The following PRKG1 variants were observed in gnomAD, a reference collection of about 807,000 sequenced individuals.
The protein encoded by PRKG1 is cGMP-dependent protein kinase 1.
PRKG1 carries 35 observed loss-of-function variants against 88.1 expected under a neutral mutation model. The observed-to-expected ratio is 0.40, with a 90% CI of 0.30 to 0.53. PRKG1 has a LOEUF of 0.53. Ranked by LOEUF, PRKG1 falls within the 20% of genes least tolerant of loss-of-function variation. The probability of loss-of-function intolerance (pLI) is 0.59; values close to 1 mark genes in which losing one functional copy is unlikely to be tolerated. For synonymous variants in PRKG1, 303 were observed against 292.5 expected (o/e 1.04, Z -0.37); for missense variants, 540 against 839.8 (o/e 0.64, Z 4.41).
At chr10:51,419,973 G>A (rs1838362996) in intron 2 of PRKG1, among the ~76,000 whole-genome samples, 1 of 152,074 alleles carries the variant, frequency 6.6e-6, no homozygotes, top group African/African-American at 2.4e-5. Context: ...GAACAAAACT[G>A]TTACAAAACA....
At chr10:51,769,297 C>G (rs1052708432) in intron 3 of PRKG1, among the ~76,000 whole-genome samples, 2 of 152,116 alleles carry the variant, frequency 1.3e-5, no homozygotes, top group African/African-American at 4.8e-5. Flanking sequence ...ATGGCAGAAT[C>G]AATTATCTTT....
chr10:51,865,360 A>G (rs371544901), intron 4 of PRKG1, among the ~76,000 whole-genome samples: 1 of 152,210 alleles, frequency 6.6e-6, no homozygotes, highest in African/African-American at 2.4e-5. Flanking sequence ...CATAGGTATA[A>G]TTTACAACAA....
At chr10:51,176,521 G>T (rs1055213021) in intron 2 of PRKG1, among the ~76,000 whole-genome samples, 1 of 152,146 alleles carries the variant, frequency 6.6e-6, no homozygotes, top group Non-Finnish European at 1.5e-5. Context: ...TGTGGAGCTG[G>T]TGTGATGATT....
intron 2 of PRKG1, among the ~76,000 whole-genome samples, chr10:51,391,454 T>C (rs1273955282): frequency 6.6e-6 from 1 of 152,260 alleles, no homozygotes; most frequent in Non-Finnish European, 1.5e-5. Flanking sequence ...GCACCTGTGC[T>C]AGTCAATGTA....
At chr10:52,050,216 G>C (rs1304526738) in intron 5 of PRKG1, among the ~76,000 whole-genome samples, 1 of 152,020 alleles carries the variant, frequency 6.6e-6, no homozygotes, top group African/African-American at 2.4e-5. Flanking sequence ...AATCTCAGAA[G>C]GCTGGCAGGG....
At chr10:51,218,221 G>A (rs1311523072) in intron 2 of PRKG1, among the ~76,000 whole-genome samples, 9 of 152,150 alleles carry the variant, frequency 5.9e-5, no homozygotes, top group East Asian at 5.8e-4. Flanking sequence ...TGAGCAGAAA[G>A]ATGCAATATA....
At chr10:51,416,723 G>T (rs1384057812) in intron 2 of PRKG1, among the ~76,000 whole-genome samples, 1 of 152,168 alleles carries the variant, frequency 6.6e-6, no homozygotes, top group African/African-American at 2.4e-5. Context: ...GGGCTAAAGA[G>T]GGTCACGTAC....
intron 4 of PRKG1, among the ~76,000 whole-genome samples, chr10:51,882,911 T>G (rs1173757047): frequency 6.6e-6 from 1 of 152,236 alleles, no homozygotes; most frequent in Non-Finnish European, 1.5e-5. Flanking sequence ...TGATGTTTAC[T>G]TTCATGTGTC....
chr10:51,510,064 T>A (rs529873489), intron 3 of PRKG1, among the ~76,000 whole-genome samples: 1 of 152,314 alleles, frequency 6.6e-6, no homozygotes, highest in African/African-American at 2.4e-5. Context: ...GAGCATTTAT[T>A]CTTTGTGTTC....
chr10:51,299,893 G>T (rs1045914812), intron 2 of PRKG1, among the ~76,000 whole-genome samples: 2 of 152,158 alleles, frequency 1.3e-5, no homozygotes, highest in African/African-American at 4.8e-5. Context: ...AAGAAAATTA[G>T]AATGCCATGA....
intron 1 of PRKG1, among the ~76,000 whole-genome samples, chr10:51,026,551 A>T (rs1048172752): frequency 3.9e-5 from 6 of 152,122 alleles, no homozygotes; most frequent in Non-Finnish European, 7.4e-5. Flanking sequence ...TTCTTTATTC[A>T]TGGGAATAAG....
At chr10:52,240,956 A>G (rs1463140244) in intron 9 of PRKG1, among the ~76,000 whole-genome samples, 2 of 152,174 alleles carry the variant, frequency 1.3e-5, no homozygotes, top group Non-Finnish European at 2.9e-5. Flanking sequence ...TAACTGCTGT[A>G]TAGACTTACT....
intron 8 of PRKG1, among the ~76,000 whole-genome samples, chr10:52,136,256 CA>C (rs1265355539): frequency 1.3e-5 from 2 of 151,938 alleles, no homozygotes; most frequent in African/African-American, 4.8e-5. Flanking sequence ...AATGGGACCC[CA>C]GGGGAGAAAA....
At chr10:52,258,661 A>C (rs1841362802) in intron 10 of PRKG1, among the ~76,000 whole-genome samples, 1 of 152,082 alleles carries the variant, frequency 6.6e-6, no homozygotes, top group African/African-American at 2.4e-5. Context: ...AAAACATCCA[A>C]AATATTTGTG....
intron 5 of PRKG1, among the ~76,000 whole-genome samples, chr10:52,013,328 A>C (rs1407210693): frequency 6.6e-6 from 1 of 151,888 alleles, no homozygotes; most frequent in Non-Finnish European, 1.5e-5. Context: ...CTGCGGCAGG[A>C]GAATGGTGTG....
In PRKG1 at chr10:51,074,535, G is replaced by A; in HGVS notation, c.-56G>A. The A allele has an allele frequency of 1.3e-6, 2 of 1,564,870 alleles. No individual in the cohort carries two copies. ...GGGGAAAGTTGATCGGAGAGGGGAG[G>A]AAGCCTCAAGACGCGGAGCAGCGGC... On this transcript the variant is annotated 5_prime_UTR_variant, in exon 1 of 18. Transcript: ENST00000373980.
intron 3 of PRKG1, among the ~76,000 whole-genome samples, chr10:51,630,351 C>A (rs186884999): frequency 1.2e-4 from 19 of 152,262 alleles, no homozygotes; most frequent in Admixed American, 4.6e-4. Flanking sequence ...TCTCAGCTAA[C>A]CAGCATTTTA....
At chr10:51,665,790 A>G (rs10998789) in intron 3 of PRKG1, among the ~76,000 whole-genome samples, 72,899 of 151,804 alleles carry the variant, frequency 0.48, 19,123 homozygotes, top group East Asian at 0.72. Flanking sequence ...TCTCAAGTCT[A>G]AGGAGAATAT....
intron 4 of PRKG1, among the ~76,000 whole-genome samples, chr10:51,905,980 A>C (rs1311316326): frequency 1.3e-5 from 2 of 151,890 alleles, no homozygotes; most frequent in Admixed American, 6.6e-5. Flanking sequence ...AAATCCAATT[A>C]ATTATCTAAT....
Sources: gnomAD v4.1 joint callset for allele counts (sites outside exome capture counted in the v4.1 genomes callset) on GRCh38, gnomAD v4.1.1 for gene constraint, MANE v1.5 for transcripts, NCBI Gene and HGNC (gene_info 2026-07-23, HGNC 2026-07-21) for gene names.